SEMA5A: variants seen among roughly 807,000 people sequenced by gnomAD.
SEMA5A encodes the protein semaphorin-5A.
Under a neutral mutation model 135.5 loss-of-function variants are expected in SEMA5A, and 55 were observed. The ratio of observed to expected loss-of-function variants is 0.41; its 90% confidence interval spans 0.33 to 0.51. The LOEUF is 0.51. Among genes scored for constraint, SEMA5A ranks in the 20% least tolerant of loss-of-function variants. The pLI is 0.37. For synonymous variants in SEMA5A, 580 were observed against 546.5 expected, an observed-to-expected ratio of 1.06 and a Z score of -0.85; for missense variants, 1,290 against 1,419.9, an observed-to-expected ratio of 0.91 and a Z score of 1.47.
chr5:9,331,860 T>C (rs79759581), intron 4 of SEMA5A, among the ~76,000 whole-genome samples: 1,748 of 152,356 alleles, frequency 0.011, 35 homozygotes, highest in African/African-American at 0.039. Context: ...ATCTGTAGTT[T>C]TGTAAATTCA....
chr5:9,148,921 T>C (rs1296910859), intron 12 of SEMA5A, among the ~76,000 whole-genome samples: 10 of 152,136 alleles, frequency 6.6e-5, no homozygotes, highest in African/African-American at 2.2e-4. Context: ...GGTTTTGCCA[T>C]GTTGGCCAGG....
At chr5:9,208,532 G>A (rs1746173723) in intron 8 of SEMA5A, among the ~76,000 whole-genome samples, 1 of 152,198 alleles carries the variant, frequency 6.6e-6, no homozygotes, top group African/African-American at 2.4e-5. Context: ...GGGAGAAACA[G>A]AGGATCAGAA....
chr5:9,171,736 A>C (rs1743934110), intron 11 of SEMA5A, among the ~76,000 whole-genome samples: 1 of 152,072 alleles, frequency 6.6e-6, no homozygotes, highest in South Asian at 2.1e-4. Flanking sequence ...CCAACACTAG[A>C]TATATGTCCT....
At chr5:9,207,095 A>T (rs56287446) in intron 8 of SEMA5A, among the ~76,000 whole-genome samples, 5,813 of 40,356 alleles carry the variant, frequency 0.14, 236 homozygotes, top group Non-Finnish European at 0.19. Flanking sequence ...ATAATGAATG[A>T]TCAAGTGTAT....
rs1553993746 is a variant in SEMA5A at position 9,154,062 on chromosome 5, A to AAT, written c.1481+424_1481+425dup. Among the ~76,000 whole-genome samples, 42 of 68,288 alleles carry AAT rather than the reference A, an allele frequency of 6.2e-4. 1 individual carries two copies. Among genetic ancestry groups the AAT allele is most frequent in the African/African-American group, 1.8e-3 (38 of 21,218 alleles). The allele number at this position is 68,288 out of a possible 152,430, so 44.8% of individuals were successfully genotyped here. On this transcript the variant is annotated intron_variant, in intron 12 of 22. Transcript: ENST00000382496. ...CTGTGTCTCAAAAAAAAAAAAAAAA[A>AAT]ATATATATATATATATATATATATA...
rs372273096 is a variant in SEMA5A, at chr5:9,351,233, A to G, written c.125-13421T>C. On this transcript the variant is annotated intron_variant, in intron 3 of 22. Transcript: ENST00000382496. ...AGCTTGAAACTTCTTTACATGAGTT[A>G]TAATAGGCATGTGGCTAGAAACTAG... is the stretch of plus-strand genomic sequence containing the variant. Among the ~76,000 whole-genome samples, 5 of 152,168 alleles carry G rather than the reference A, an allele frequency of 3.3e-5. No homozygotes were observed. The East Asian group carries it at 7.7e-4, about 23-fold the overall frequency.
At chr5:9,406,290 G>A (rs1373316598) in intron 2 of SEMA5A, among the ~76,000 whole-genome samples, 1 of 152,148 alleles carries the variant, frequency 6.6e-6, no homozygotes, top group Admixed American at 6.5e-5. Context: ...GATAACACAG[G>A]CTTCTAAAAG....
chr5:9,069,710 C>T lies in SEMA5A; in HGVS notation c.2074-3064G>A, dbSNP rs539362421. ...TTTAATACTCTCTAGGCATTCCTCC[C>T]GGCCTGCATGATCTCTACATCAACA... On this transcript the variant is annotated intron_variant, in intron 16 of 22. Transcript: ENST00000382496. Among the ~76,000 whole-genome samples, 10 of 152,228 alleles carry T rather than the reference C, an allele frequency of 6.6e-5. No homozygotes were observed. The South Asian group carries it at 1.5e-3, about 22-fold the overall frequency.
intron 2 of SEMA5A, chr5:9,390,834 C>G (rs916320351): frequency 6.6e-6 from 1 of 152,120 alleles, no homozygotes; most frequent in African/African-American, 2.4e-5. Flanking sequence ...AAAAAAGATG[C>G]AAAAAATCCA....
intron 4 of SEMA5A, among the ~76,000 whole-genome samples, chr5:9,331,000 T>C (rs1174282654): frequency 6.6e-6 from 1 of 152,216 alleles, no homozygotes; most frequent in African/African-American, 2.4e-5. Context: ...ACAATGGGGT[T>C]CTACTCCTTT....
At chr5:9,210,458 T>G (rs891813680) in intron 8 of SEMA5A, among the ~76,000 whole-genome samples, 1 of 152,208 alleles carries the variant, frequency 6.6e-6, no homozygotes, top group African/African-American at 2.4e-5. Flanking sequence ...TATTGCACCA[T>G]GTATGCAAGG....
At chr5:9,515,049 T>C (rs1274147120) in intron 1 of SEMA5A, among the ~76,000 whole-genome samples, 1 of 152,266 alleles carries the variant, frequency 6.6e-6, no homozygotes, top group Non-Finnish European at 1.5e-5. Flanking sequence ...GCATTTAATA[T>C]ACTAAACTAC....
intron 8 of SEMA5A, among the ~76,000 whole-genome samples, chr5:9,216,504 T>C (rs1417724417): frequency 6.6e-6 from 1 of 152,192 alleles, no homozygotes; most frequent in Admixed American, 6.5e-5. Flanking sequence ...ATCAGATTCA[T>C]TTGGTTCAAT....
At position 9,292,651 on chromosome 5, in the gene SEMA5A, C is replaced by CA. The variant is rs530803626; in HGVS notation, c.270+25720dup. Among the ~76,000 whole-genome samples the CA allele has an allele frequency of 6.5e-3, 986 of 151,264 alleles. 7 individuals are homozygous for CA. The highest frequency in any genetic ancestry group is 0.02 in the African/African-American group (820 of 41,220). ...ATGGTGATTTATTCAATAAAAGCTGCAAAAAAAACCATGTTTGTTTGAAAA... is the reference window on the plus strand; with the variant it reads ...ATGGTGATTTATTCAATAAAAGCTGCAAAAAAAAACCATGTTTGTTTGAAAA... On this transcript the variant is annotated intron_variant, in intron 5 of 22. Coordinates refer to ENST00000382496, the MANE Select transcript of SEMA5A (RefSeq NM_003966.3).
At chr5:9,100,147 G>C (rs898485235) in intron 16 of SEMA5A, among the ~76,000 whole-genome samples, 6 of 152,190 alleles carry the variant, frequency 3.9e-5, no homozygotes, top group Admixed American at 3.9e-4. Flanking sequence ...CAGTCCATGG[G>C]ACCTGTAAGG....
intron 1 of SEMA5A, among the ~76,000 whole-genome samples, chr5:9,523,697 T>C (rs756675837): frequency 1.6e-4 from 25 of 152,200 alleles, no homozygotes; most frequent in Non-Finnish European, 3.2e-4. Flanking sequence ...CAGCAAGTTC[T>C]TAAAAGCATG....
chr5:9,472,989 C>T (rs1759531848), intron 1 of SEMA5A, among the ~76,000 whole-genome samples: 1 of 150,316 alleles, frequency 6.7e-6, no homozygotes, highest in South Asian at 2.1e-4. Flanking sequence ...ATGTACGTAG[C>T]ATTATTCATT....
chr5:9,183,726 T>C (rs1744653137), intron 11 of SEMA5A, among the ~76,000 whole-genome samples: 1 of 152,208 alleles, frequency 6.6e-6, no homozygotes. Context: ...CTTCCTCAGA[T>C]AGTAAAATGG....
At chr5:9,267,192 T>C (rs1431756016) in intron 5 of SEMA5A, among the ~76,000 whole-genome samples, 1 of 152,142 alleles carries the variant, frequency 6.6e-6, no homozygotes, top group African/African-American at 2.4e-5. Context: ...GATTCTTATT[T>C]AATATATGAG....
Sources: gnomAD v4.1 joint callset for allele counts (sites outside exome capture counted in the v4.1 genomes callset) on GRCh38, gnomAD v4.1.1 for gene constraint, MANE v1.5 for transcripts, NCBI Gene and HGNC (gene_info 2026-07-23, HGNC 2026-07-21) for gene names.